VPS13B: variants seen among roughly 807,000 people sequenced by gnomAD.
VPS13B encodes the protein vacuolar protein sorting 13 homolog B, also known as intermembrane lipid transfer protein VPS13B.
VPS13B carries 285 observed loss-of-function variants against 426.4 expected under a neutral mutation model. That is an observed-to-expected ratio of 0.67 (90% CI 0.61 to 0.74). VPS13B has a LOEUF of 0.74. Among genes scored for constraint, VPS13B ranks in the 30% least tolerant of loss-of-function variants. VPS13B has a pLI of 0.00. For missense variants in VPS13B, 4,537 were observed against 4,782.6 expected, an observed-to-expected ratio of 0.95 and a Z score of 1.51; for synonymous variants, 1,676 against 1,676.4, an observed-to-expected ratio of 1.00 and a Z score of 0.01.
At chr8:99,590,856 T>G (rs1415121056) in intron 33 of VPS13B, among the ~76,000 whole-genome samples, 1 of 152,194 alleles carries the variant, frequency 6.6e-6, no homozygotes, top group Non-Finnish European at 1.5e-5. Context: ...TTAGGTCTGC[T>G]TGTTGCAGAG....
At chr8:99,306,990 G>T (rs1468474564) in intron 19 of VPS13B, among the ~76,000 whole-genome samples, 1 of 152,102 alleles carries the variant, frequency 6.6e-6, no homozygotes, top group Non-Finnish European at 1.5e-5. Context: ...TGGTTAAGCT[G>T]TAATTAATTA....
chr8:99,149,648 CT>C (rs1810950690), intron 14 of VPS13B, among the ~76,000 whole-genome samples: 1 of 144,590 alleles, frequency 6.9e-6, no homozygotes, highest in African/African-American at 2.6e-5. Flanking sequence ...TGATATATTT[CT>C]TTTGATGTTC....
intron 33 of VPS13B, 68 bp downstream of exon 33, chr8:99,577,701 C>A: frequency 6.3e-7 from 1 of 1,578,760 alleles, no homozygotes; most frequent in Non-Finnish European, 8.7e-7. Flanking sequence ...AGTAGGAAAA[C>A]TATAATTAAG....
intron 19 of VPS13B, 79 bp downstream of exon 19, chr8:99,275,333 A>ATT: frequency 1.6e-6 from 2 of 1,273,756 alleles, no homozygotes; most frequent in East Asian, 2.9e-5. Context: ...AAATTGGTAT[A>ATT]TATTTTTTTT....
chr8:99,381,230 T>TG (rs1332513643), intron 19 of VPS13B, among the ~76,000 whole-genome samples: 1 of 152,230 alleles, frequency 6.6e-6, no homozygotes, highest in East Asian at 1.9e-4. Context: ...GCAAAGGACA[T>TG]GATCTTGTTC....
chr8:99,307,504 T>A (rs931505643), intron 19 of VPS13B, among the ~76,000 whole-genome samples: 32 of 152,216 alleles, frequency 2.1e-4, no homozygotes, highest in East Asian at 5.8e-4. Context: ...ACATTTTTTT[T>A]AATTCCTGAA....
At chr8:99,374,552 A>T (rs552476687) in intron 19 of VPS13B, among the ~76,000 whole-genome samples, 1 of 152,120 alleles carries the variant, frequency 6.6e-6, no homozygotes, top group African/African-American at 2.4e-5. Flanking sequence ...ATAATGAGTC[A>T]TTTCTTCTGG....
intron 17 of VPS13B, among the ~76,000 whole-genome samples, chr8:99,247,885 CAG>C (rs1400535637): frequency 6.6e-6 from 1 of 152,042 alleles, no homozygotes; most frequent in African/African-American, 2.4e-5. Flanking sequence ...AATGGCTGAT[CAG>C]AGAGTCTTTA....
chr8:99,068,305 C>G (rs1563519135), intron 3 of VPS13B, among the ~76,000 whole-genome samples: 1 of 152,150 alleles, frequency 6.6e-6, no homozygotes, highest in Admixed American at 6.6e-5. Context: ...TATTTGTGGT[C>G]TGAACTTTTT....
intron 56 of VPS13B, among the ~76,000 whole-genome samples, chr8:99,854,973 G>C (rs1029702417): frequency 6.6e-6 from 1 of 152,186 alleles, no homozygotes; most frequent in Non-Finnish European, 1.5e-5. Flanking sequence ...CTGTTTCTCA[G>C]GGACTCAGTG....
chr8:99,343,842 A>T (rs978909300), intron 19 of VPS13B, among the ~76,000 whole-genome samples: 8 of 152,232 alleles, frequency 5.3e-5, no homozygotes, highest in African/African-American at 1.9e-4. Flanking sequence ...TAATATAAAG[A>T]TATCCTGTAC....
At chr8:99,657,699 T>C in intron 34 of VPS13B, among the ~76,000 whole-genome samples, 1 of 152,318 alleles carries the variant, frequency 6.6e-6, no homozygotes, top group African/African-American at 2.4e-5. Context: ...GATATTTAGT[T>C]TAAATTTTCC....
intron 19 of VPS13B, among the ~76,000 whole-genome samples, chr8:99,316,697 C>T (rs1809678695): frequency 6.6e-6 from 1 of 152,146 alleles, no homozygotes; most frequent in Admixed American, 6.5e-5. Context: ...TGTTTTTTCT[C>T]ACTCTTGTTG....
chr8:99,344,584 C>T (rs1811434042), intron 19 of VPS13B, among the ~76,000 whole-genome samples: 1 of 152,158 alleles, frequency 6.6e-6, no homozygotes, highest in African/African-American at 2.4e-5. Context: ...ATTATGTCTT[C>T]ACCCATATTT....
intron 34 of VPS13B, among the ~76,000 whole-genome samples, chr8:99,647,341 C>T (rs1829620638): frequency 2.0e-5 from 3 of 152,052 alleles, no homozygotes; most frequent in African/African-American, 7.2e-5. Flanking sequence ...GTGGGCAGAT[C>T]ATCTGAGGTC....
chr8:99,448,847 T>A (rs1352736488), intron 23 of VPS13B, among the ~76,000 whole-genome samples: 1 of 152,210 alleles, frequency 6.6e-6, no homozygotes, highest in African/African-American at 2.4e-5. Flanking sequence ...TCATTGTCAT[T>A]TTGTTGGTTT....
intron 19 of VPS13B, among the ~76,000 whole-genome samples, chr8:99,275,638 G>A (rs528483682): frequency 1.3e-5 from 2 of 152,084 alleles, no homozygotes; most frequent in East Asian, 3.9e-4. Flanking sequence ...TAATTTTTTA[G>A]GAATGAAAAG....
intron 23 of VPS13B, among the ~76,000 whole-genome samples, chr8:99,461,895 C>G (rs1818853390): frequency 6.6e-6 from 1 of 152,150 alleles, no homozygotes; most frequent in African/African-American, 2.4e-5. Context: ...CTTTCTACCA[C>G]TAGAATGCAA....
intron 35 of VPS13B, among the ~76,000 whole-genome samples, chr8:99,662,236 G>A (rs961926350): frequency 2.0e-5 from 3 of 151,718 alleles, no homozygotes; most frequent in East Asian, 1.9e-4. Context: ...TTTATTCCTC[G>A]ATCTTCCTCC....
Sources: gnomAD v4.1 joint callset for allele counts (sites outside exome capture counted in the v4.1 genomes callset) on GRCh38, gnomAD v4.1.1 for gene constraint, MANE v1.5 for transcripts, NCBI Gene and HGNC (gene_info 2026-07-23, HGNC 2026-07-21) for gene names.